Variants in CLDN16 observed in about 807,000 individuals in gnomAD.
CLDN16 encodes the protein claudin 16, also known as claudin-16.
Under a neutral mutation model 24.6 loss-of-function variants are expected in CLDN16, and 13 were observed. The observed-to-expected ratio is 0.53, with a 90% CI of 0.34 to 0.84. CLDN16 has a LOEUF of 0.84. Among genes scored for constraint, CLDN16 ranks in the 40% least tolerant of loss-of-function variants. CLDN16 has a pLI of 0.01. For missense variants in CLDN16, 298 were observed against 292.7 expected, an observed-to-expected ratio of 1.02 and a Z score of -0.13; for synonymous variants, 116 against 106.7, an observed-to-expected ratio of 1.09 and a Z score of -0.54.
intron 3 of CLDN16, among the ~76,000 whole-genome samples, chr3:190,380,044 G>A (rs16865424): frequency 0.78 from 117,383 of 149,886 alleles, 46,061 homozygotes; most frequent in East Asian, 0.89. Flanking sequence ...AGCTTCTTGA[G>A]TGGCATTCTA....
In CLDN16 at chr3:190,410,149, T is replaced by A; in HGVS notation, c.*113T>A. On this transcript the variant is annotated 3_prime_UTR_variant, in exon 5 of 5. Coordinates refer to ENST00000264734, the MANE Select transcript of CLDN16 (RefSeq NM_006580.4). Reference sequence around the variant, plus strand: ...ATTTAGAATTCATATTGAATTAAATTAATTGCTAGCTTAATCAAAATGTTT... The same window carrying A: ...ATTTAGAATTCATATTGAATTAAATAAATTGCTAGCTTAATCAAAATGTTT... The A allele has an allele frequency of 8.3e-7, 1 of 1,207,532 alleles. No homozygotes were observed. The highest frequency in any genetic ancestry group is 1.2e-6 in the Non-Finnish European group (1 of 818,926). 74.8% of individuals were successfully genotyped at this position (1,207,532 alleles called of 1,614,324 possible). A position where few individuals can be genotyped will look rare whatever the true frequency, so the allele number is the denominator to read the frequency against.
chr3:190,325,898 T>G (rs1476172316), intron 1 of CLDN16, among the ~76,000 whole-genome samples: 2 of 152,194 alleles, frequency 1.3e-5, no homozygotes, highest in African/African-American at 4.8e-5. Flanking sequence ...GTACAAATAT[T>G]GTATAAATTT....
chr3:190,309,704 A>T, the CLDN16 span, among the ~76,000 whole-genome samples: 1 of 152,232 alleles, frequency 6.6e-6, no homozygotes, highest in Admixed American at 6.6e-5. Flanking sequence ...AAAAACATAC[A>T]TAATAGCTTT....
upstream of CLDN16, among the ~76,000 whole-genome samples, chr3:190,383,796 A>T (rs997674053): frequency 6.6e-6 from 1 of 152,174 alleles, no homozygotes; most frequent in Non-Finnish European, 1.5e-5. Context: ...ATACATACAC[A>T]CACATACATG....
chr3:190,375,656 T>C (rs1718230243), intron 3 of CLDN16, among the ~76,000 whole-genome samples: 1 of 151,992 alleles, frequency 6.6e-6, no homozygotes, highest in Non-Finnish European at 1.5e-5. Flanking sequence ...CACTTATCTC[T>C]TTATTAAACA....
intron 1 of CLDN16, among the ~76,000 whole-genome samples, chr3:190,396,055 C>T (rs1577425766): frequency 1.3e-5 from 2 of 152,022 alleles, no homozygotes; most frequent in Non-Finnish European, 2.9e-5. Flanking sequence ...AAAATTGTTG[C>T]TGCTTATATT....
chr3:190,371,812 A>C (rs2108647676), intron 2 of CLDN16, among the ~76,000 whole-genome samples: 1 of 152,098 alleles, frequency 6.6e-6, no homozygotes, highest in African/African-American at 2.4e-5. Context: ...TCAGATGCTC[A>C]GTCTGCCAAA....
At chr3:190,403,763 A>G (rs1198107829) in intron 2 of CLDN16, among the ~76,000 whole-genome samples, 4 of 152,188 alleles carry the variant, frequency 2.6e-5, no homozygotes, top group Non-Finnish European at 5.9e-5. Context: ...TATTTTTGTT[A>G]AAAAGGATTT....
At chr3:190,320,735 C>G (rs776245072), upstream of CLDN16, among the ~76,000 whole-genome samples, 1 of 152,074 alleles carries the variant, frequency 6.6e-6, no homozygotes, top group Non-Finnish European at 1.5e-5. Flanking sequence ...TGAACAATGC[C>G]AACACTTTTC....
chr3:190,292,939 G>C, the CLDN16 span, among the ~76,000 whole-genome samples: 2 of 152,102 alleles, frequency 1.3e-5, no homozygotes, highest in Non-Finnish European at 2.9e-5. Context: ...CCTCCAAACT[G>C]TTCCAACCTC....
chr3:190,380,610 C>G (rs888268453), intron 3 of CLDN16, among the ~76,000 whole-genome samples: 5 of 152,046 alleles, frequency 3.3e-5, no homozygotes, highest in Middle Eastern at 3.4e-3. Context: ...ACAAAAGAAA[C>G]TATCAACAGA....
intron 1 of CLDN16, among the ~76,000 whole-genome samples, chr3:190,400,103 A>C (rs1280624397): frequency 6.6e-6 from 1 of 152,200 alleles, no homozygotes; most frequent in African/African-American, 2.4e-5. Flanking sequence ...GTTGAAGACC[A>C]CTGGTATAGA....
chr3:190,322,273 G>A, upstream of CLDN16: 1 of 1,435,426 alleles, frequency 7.0e-7, no homozygotes, highest in South Asian at 1.2e-5. Flanking sequence ...TTGCAGGTGG[G>A]CAACCCGGAC....
At chr3:190,346,978 CG>C (rs1222891525) in intron 1 of CLDN16, among the ~76,000 whole-genome samples, 1 of 152,096 alleles carries the variant, frequency 6.6e-6, no homozygotes, top group African/African-American at 2.4e-5. Context: ...GAGGTTTGGG[CG>C]GGGGGACACT....
chr3:190,354,412 A>G (rs983609617), intron 1 of CLDN16, among the ~76,000 whole-genome samples: 1 of 151,908 alleles, frequency 6.6e-6, no homozygotes, highest in Non-Finnish European at 1.5e-5. Context: ...GAACTGTCAC[A>G]TGATGGATTT....
Position 190,349,930 on chromosome 3 carries a change from C to G in CLDN16, n.122-20963C>G, listed in dbSNP as rs1310838337. ...TTGATTAACCCATTCAACTCACAAG[C>G]ATGGTAGCTACAATAATGAAGGATT... On this transcript the variant is annotated intron_variant and non_coding_transcript_variant, in intron 1 of 4. Coordinates refer to the CLDN16 transcript ENST00000468220. Among the ~76,000 whole-genome samples, 8 of 152,134 alleles carry G rather than the reference C, an allele frequency of 5.3e-5. No homozygotes were observed. The East Asian group carries it at 1.5e-3, about 29-fold the overall frequency.
At chr3:190,312,864 T>C in the CLDN16 span, 1 of 1,613,832 alleles carries the variant, frequency 6.2e-7, no homozygotes, top group African/African-American at 1.3e-5. Flanking sequence ...GGGCACAGCC[T>C]CTATTACCTG....
chr3:190,386,477 C>T (rs1026692921), upstream of CLDN16, among the ~76,000 whole-genome samples: 1 of 152,030 alleles, frequency 6.6e-6, no homozygotes, highest in Non-Finnish European at 1.5e-5. Flanking sequence ...GTCAGATCAC[C>T]GAGGCAGCTA....
chr3:190,363,554 GTGTATATATA>G (rs1481726147), intron 1 of CLDN16, among the ~76,000 whole-genome samples: 7,634 of 81,414 alleles, frequency 0.094, 857 homozygotes, highest in Admixed American at 0.12. Context: ...GTGTGTGTGT[GTGTATATATA>G]TATATATATA....
Sources: gnomAD v4.1 joint callset for allele counts (sites outside exome capture counted in the v4.1 genomes callset) on GRCh38, gnomAD v4.1.1 for gene constraint, MANE v1.5 for transcripts, NCBI Gene and HGNC (gene_info 2026-07-23, HGNC 2026-07-21) for gene names.